MAMDC2: variants seen among roughly 807,000 people sequenced by gnomAD.
The protein encoded by MAMDC2 is MAM domain-containing protein 2.
A neutral mutation model predicts 89.8 loss-of-function variants in MAMDC2; 57 were observed. The observed-to-expected ratio is 0.63, with a 90% CI of 0.51 to 0.79. The LOEUF (loss-of-function observed/expected upper bound fraction) is 0.79. MAMDC2 is among the 30% of genes least tolerant of loss of function. The pLI, the probability that MAMDC2 is intolerant of heterozygous loss-of-function variation, is 0.00. For missense variants in MAMDC2, 800 were observed against 820.6 expected, an observed-to-expected ratio of 0.97 and a Z score of 0.31; for synonymous variants, 313 against 293.4, an observed-to-expected ratio of 1.07 and a Z score of -0.68.
At chr9:70,130,707 G>A (rs1282966017) in intron 6 of MAMDC2, among the ~76,000 whole-genome samples, 1 of 152,084 alleles carries the variant, frequency 6.6e-6, no homozygotes, top group Non-Finnish European at 1.5e-5. Flanking sequence ...CCTTGATGTA[G>A]AGTTCATATA....
chr9:70,081,462 C>T (rs908659878), intron 2 of MAMDC2: 1 of 152,036 alleles, frequency 6.6e-6, no homozygotes, highest in Non-Finnish European at 1.5e-5. Flanking sequence ...TTTTTATAGT[C>T]CTGCCAGGTC....
At chr9:70,081,386 T>C (rs1827650636) in intron 2 of MAMDC2, 1 of 152,184 alleles carries the variant, frequency 6.6e-6, no homozygotes, top group African/African-American at 2.4e-5. Context: ...TGTGTCATTG[T>C]AATTGATGAC....
chr9:70,099,836 G>T (rs983656750), intron 2 of MAMDC2, among the ~76,000 whole-genome samples: 5 of 152,028 alleles, frequency 3.3e-5, no homozygotes, highest in Non-Finnish European at 5.9e-5. Flanking sequence ...TTAGCTGGGC[G>T]TGGTGCCGGG....
At chr9:70,163,381 A>G (rs750389205) in intron 9 of MAMDC2, among the ~76,000 whole-genome samples, 1 of 151,974 alleles carries the variant, frequency 6.6e-6, no homozygotes, top group Non-Finnish European at 1.5e-5. Flanking sequence ...GGCGTGAGCC[A>G]CCATGCCCAG....
Position 70,188,762 on chromosome 9 carries a change from A to ATTTTTTTTTTTTTT in MAMDC2, c.1651+18140_1651+18153dup, listed in dbSNP as rs10701601. Reference sequence around the variant, plus strand: ...CACTGAGAGGTGATCAAAACAATTGATTTTTTTTTTTTTTTTTTTTTTAGA... The same window carrying ATTTTTTTTTTTTTT: ...CACTGAGAGGTGATCAAAACAATTGATTTTTTTTTTTTTTTTTTTTTTTTTTTTTTTTTTTTAGA... On this transcript the variant is annotated intron_variant, in intron 11 of 13. Coordinates refer to ENST00000377182, the MANE Select transcript of MAMDC2 (RefSeq NM_153267.5). 5.3e-4 allele frequency: 50 copies of ATTTTTTTTTTTTTT among 95,160 alleles called. 5 individuals are homozygous for ATTTTTTTTTTTTTT. The highest frequency in any genetic ancestry group is 1.5e-3 in the African/African-American group (35 of 23,440). 5.9% of individuals were successfully genotyped at this position (95,160 alleles called of 1,614,324 possible). A position where few individuals can be genotyped will look rare whatever the true frequency, so the allele number is the denominator to read the frequency against.
At chr9:70,121,798 T>G (rs185674011) in intron 5 of MAMDC2, among the ~76,000 whole-genome samples, 1 of 151,974 alleles carries the variant, frequency 6.6e-6, no homozygotes, top group East Asian at 1.9e-4. Context: ...TTCATTGAAC[T>G]AGGCAGGAAG....
chr9:70,077,387 G>A (rs963456900), intron 2 of MAMDC2, among the ~76,000 whole-genome samples: 1 of 152,206 alleles, frequency 6.6e-6, no homozygotes, highest in Non-Finnish European at 1.5e-5. Context: ...ATGTCCAATA[G>A]AGCTTTCTGT....
chr9:70,145,866 T>C (rs745426927), intron 9 of MAMDC2, among the ~76,000 whole-genome samples: 1 of 152,084 alleles, frequency 6.6e-6, no homozygotes, highest in South Asian at 2.1e-4. Context: ...TCACAGATGA[T>C]AGAAGATTAA....
intron 2 of MAMDC2, among the ~76,000 whole-genome samples, chr9:70,057,511 G>A (rs1014698108): frequency 1.3e-5 from 2 of 152,080 alleles, no homozygotes; most frequent in African/African-American, 4.8e-5. Context: ...GTGCAAAATG[G>A]TTTATATTTT....
chr9:70,110,676 G>C (rs1326038589), intron 4 of MAMDC2, among the ~76,000 whole-genome samples: 1 of 152,172 alleles, frequency 6.6e-6, no homozygotes, highest in East Asian at 1.9e-4. Flanking sequence ...GCTGAATCAT[G>C]TGGGTCAGCC....
chr9:70,141,514 A>G (rs1587507981), intron 8 of MAMDC2, among the ~76,000 whole-genome samples: 2 of 152,334 alleles, frequency 1.3e-5, no homozygotes, highest in South Asian at 2.1e-4. Flanking sequence ...GGTTGTGGTA[A>G]GTGCTGTCAG....
At chr9:70,177,390 G>A (rs977155513) in intron 11 of MAMDC2, among the ~76,000 whole-genome samples, 2 of 152,218 alleles carry the variant, frequency 1.3e-5, no homozygotes, top group Non-Finnish European at 2.9e-5. Flanking sequence ...TGGAACAGTG[G>A]AAGATTTCAT....
At chr9:70,070,136 T>C (rs1385531492) in intron 2 of MAMDC2, among the ~76,000 whole-genome samples, 1 of 152,218 alleles carries the variant, frequency 6.6e-6, no homozygotes, top group African/African-American at 2.4e-5. Context: ...AACTCTGTGA[T>C]TTCTTGAGCT....
chr9:70,127,735 T>C (rs1192963255), intron 6 of MAMDC2, among the ~76,000 whole-genome samples: 1 of 151,420 alleles, frequency 6.6e-6, no homozygotes, highest in Admixed American at 6.6e-5. Context: ...TCTTGCAGAA[T>C]GTGTGCTATT....
At chr9:70,157,150 C>T (rs2031788834) in intron 9 of MAMDC2, among the ~76,000 whole-genome samples, 1 of 152,170 alleles carries the variant, frequency 6.6e-6, no homozygotes, top group Non-Finnish European at 1.5e-5. Context: ...AATACCACTT[C>T]CCTTCCCCAC....
intron 9 of MAMDC2, among the ~76,000 whole-genome samples, chr9:70,160,793 A>G (rs1439055478): frequency 1.3e-5 from 2 of 152,186 alleles, no homozygotes; most frequent in Non-Finnish European, 2.9e-5. Flanking sequence ...GCCACAATCT[A>G]TGTAAGAGTC....
At chr9:70,202,694 C>A (rs1193265800) in intron 11 of MAMDC2, among the ~76,000 whole-genome samples, 1 of 148,012 alleles carries the variant, frequency 6.8e-6, no homozygotes, top group East Asian at 2.0e-4. Flanking sequence ...GAGTCTAAGT[C>A]TCTTTGTAGG....
intron 11 of MAMDC2, among the ~76,000 whole-genome samples, chr9:70,212,442 A>G (rs948349345): frequency 3.3e-5 from 5 of 152,212 alleles, no homozygotes; most frequent in African/African-American, 4.8e-5. Flanking sequence ...ACGGGATATA[A>G]TCTCCTGGTG....
intron 2 of MAMDC2, chr9:70,089,184 T>G (rs909876800): frequency 7.2e-5 from 11 of 152,256 alleles, no homozygotes; most frequent in African/African-American, 2.6e-4. Context: ...CCAGGACTCA[T>G]GGTTAACAGA....
Sources: allele counts gnomAD v4.1 joint callset (sites outside exome capture counted in the v4.1 genomes callset), GRCh38; gene constraint gnomAD v4.1.1; transcripts MANE v1.5; gene names NCBI Gene and HGNC (gene_info 2026-07-23, HGNC 2026-07-21).